The following ADAMTS18 variants were observed in gnomAD, a reference collection of about 807,000 sequenced individuals.
ADAMTS18 encodes the protein A disintegrin and metalloproteinase with thrombospondin motifs 18.
In ADAMTS18, 157 loss-of-function variants were observed where a neutral mutation model predicts 165.9. The observed-to-expected ratio is 0.95, with a 90% CI of 0.83 to 1.08. The LOEUF (loss-of-function observed/expected upper bound fraction) is 1.08. Among genes scored for constraint, ADAMTS18 ranks in the 50% least tolerant of loss-of-function variants. The pLI is 0.00. For missense variants in ADAMTS18, 2,040 were observed against 1,534.0 expected (o/e 1.33, Z -5.51); for synonymous variants, 782 against 578.2 (o/e 1.35, Z -5.06).
chr16:77,318,897 A>G (rs1289526223), intron 16 of ADAMTS18, among the ~76,000 whole-genome samples: 3 of 152,160 alleles, frequency 2.0e-5, no homozygotes, highest in African/African-American at 7.2e-5. Flanking sequence ...TTCTATACAA[A>G]CTGAAGCAAA....
At chr16:77,311,050 A>G (rs182825858) in intron 16 of ADAMTS18, among the ~76,000 whole-genome samples, 1 of 152,328 alleles carries the variant, frequency 6.6e-6, no homozygotes, top group East Asian at 1.9e-4. Context: ...GCAGATGAAA[A>G]TGAAATTTAG....
At chr16:77,315,698 G>C (rs956170892) in intron 16 of ADAMTS18, among the ~76,000 whole-genome samples, 1 of 152,128 alleles carries the variant, frequency 6.6e-6, no homozygotes, top group African/African-American at 2.4e-5. Flanking sequence ...TCTGGATATT[G>C]CAATTATTTG....
chr16:77,297,909 G>A (rs1287034757), intron 17 of ADAMTS18, among the ~76,000 whole-genome samples: 1 of 125,992 alleles, frequency 7.9e-6, no homozygotes, highest in African/African-American at 2.9e-5. Context: ...CCAGGGCTCT[G>A]CTTTTGCTTT....
intron 22 of ADAMTS18, among the ~76,000 whole-genome samples, chr16:77,286,679 C>T (rs531938999): frequency 2.6e-5 from 4 of 152,052 alleles, no homozygotes; most frequent in African/African-American, 9.7e-5. Context: ...GCTGCCTGCC[C>T]CCATCTGAAG....
At chr16:77,410,214 A>G (rs968175552) in intron 3 of ADAMTS18, among the ~76,000 whole-genome samples, 1 of 151,708 alleles carries the variant, frequency 6.6e-6, no homozygotes. Flanking sequence ...TTACTCTATG[A>G]TATTTTCTTT....
At chr16:77,305,768 C>G (rs1251262596) in intron 16 of ADAMTS18, among the ~76,000 whole-genome samples, 2 of 152,222 alleles carry the variant, frequency 1.3e-5, no homozygotes, top group Non-Finnish European at 2.9e-5. Context: ...AAACCACAGA[C>G]AGCCTCTCCC....
intron 10 of ADAMTS18, among the ~76,000 whole-genome samples, chr16:77,349,033 G>A (rs2056517378): frequency 6.6e-6 from 1 of 152,132 alleles, no homozygotes; most frequent in Admixed American, 6.5e-5. Flanking sequence ...GTTAATAGAA[G>A]TTAAAATGGC....
chr16:77,310,390 G>C (rs1223210447), intron 16 of ADAMTS18, among the ~76,000 whole-genome samples: 1 of 152,148 alleles, frequency 6.6e-6, no homozygotes, highest in Non-Finnish European at 1.5e-5. Flanking sequence ...GAAGACATTA[G>C]TTCAGTCTGG....
At position 77,400,760 on chromosome 16, in the gene ADAMTS18, C is replaced by T. The variant is rs113916283; in HGVS notation, c.495+30535G>A. ...CTGGGATTACAGGAGTGAGCCACCA[C>T]GCCTGGCCTCTCTGTGGTTCTTAAG... On this transcript the variant is annotated intron_variant, in intron 3 of 22. Transcript: ENST00000282849. Among the ~76,000 whole-genome samples the T allele has an allele frequency of 3.5e-3, 525 of 151,854 alleles. 5 individuals are homozygous for T. The highest frequency in any genetic ancestry group is 0.012 in the African/African-American group (509 of 41,418).
intron 3 of ADAMTS18, among the ~76,000 whole-genome samples, chr16:77,370,020 A>T (rs767303448): frequency 6.6e-6 from 1 of 152,242 alleles, no homozygotes. Flanking sequence ...GCATTTGATA[A>T]AATTTAACAT....
Position 77,319,884 on chromosome 16 carries a change from C to G in ADAMTS18, c.2497G>C (p.Ala833Pro), listed in dbSNP as rs375093710. 6.2e-7 allele frequency: 1 copy of G among 1,614,076 alleles called. No individual in the cohort carries two copies. The highest frequency in any genetic ancestry group is 1.3e-5 in the African/African-American group (1 of 74,930). ...AGCGTCTCATTTGTGGGCCCTGGCG[C>G]GTACAGACGTTCCGGGCGGTTGAAA... ...RSFNRPERLY[A>P]PGPTNETLVF... Residue 833 changes from alanine (A) to proline (P), a missense_variant, in exon 16 of 23, where the codon GCG becomes CCG. Ala to Pro is a conservative substitution (Grantham distance 27). Transcript: ENST00000282849.
chr16:77,284,351 T>C (rs993758970), intron 22 of ADAMTS18, among the ~76,000 whole-genome samples: 8 of 152,056 alleles, frequency 5.3e-5, no homozygotes, highest in African/African-American at 1.9e-4. Context: ...TGGTCTCAAA[T>C]TCCTGAGCTC....
chr16:77,423,251 G>A (rs779390020), intron 3 of ADAMTS18, among the ~76,000 whole-genome samples: 1 of 152,164 alleles, frequency 6.6e-6, no homozygotes, highest in Non-Finnish European at 1.5e-5. Context: ...AGTGTTAATA[G>A]CCAGAGTAGT....
In ADAMTS18 at chr16:77,434,424, T is replaced by G. The variant is rs1171111377; in HGVS notation, c.172A>C (p.Asn58His). 2 of 1,570,476 alleles carry G rather than the reference T, an allele frequency of 1.3e-6. No homozygotes were observed. The highest frequency in any genetic ancestry group is 2.7e-5 in the African/African-American group (2 of 74,486). ...ATGGGGGGCAAATACGAACCATCAT[T>G]TAATCCGCTGGCGCCGCTGCTGCTG... ...SDSSSGASGL[N>H]DDYVFVTPVE... The change falls in exon 2 of 23, where the codon AAT (asparagine) becomes CAT (histidine). Residue 58 changes from asparagine to histidine, a missense_variant. Physicochemically the swap from Asn to His is moderately conservative, Grantham distance 68 (BLOSUM62 1). Coordinates refer to ENST00000282849, the MANE Select transcript of ADAMTS18 (RefSeq NM_199355.4).
At chr16:77,404,438 T>A (rs533835234) in intron 3 of ADAMTS18, among the ~76,000 whole-genome samples, 1 of 152,270 alleles carries the variant, frequency 6.6e-6, no homozygotes, top group East Asian at 1.9e-4. Context: ...TCTCTATAAG[T>A]TCTTCTCTAT....
chr16:77,342,053 G>C (rs1385900334), intron 10 of ADAMTS18, among the ~76,000 whole-genome samples: 1 of 152,156 alleles, frequency 6.6e-6, no homozygotes, highest in East Asian at 1.9e-4. Context: ...TTAATTTAGA[G>C]AACACTTGGC....
rs557948809 is a variant in ADAMTS18 at position 77,392,744 on chromosome 16, G to A, written c.496-25021C>T. On this transcript the variant is annotated intron_variant, in intron 3 of 22. Coordinates refer to ENST00000282849, the MANE Select transcript of ADAMTS18 (RefSeq NM_199355.4). ...AATAAATGAGTGCCTCTGTCCTGATGGAATTTACATCCTAGATGGCAGATC... is the reference window on the plus strand; with the variant it reads ...AATAAATGAGTGCCTCTGTCCTGATAGAATTTACATCCTAGATGGCAGATC... Among the ~76,000 whole-genome samples the A allele has an allele frequency of 3.0e-4, 45 of 152,206 alleles. No individual in the cohort carries two copies. In the Middle Eastern group the frequency reaches 0.014, roughly 46 times the overall value.
chr16:77,348,776 T>C (rs2056513503), intron 10 of ADAMTS18, among the ~76,000 whole-genome samples: 2 of 152,142 alleles, frequency 1.3e-5, no homozygotes, highest in African/African-American at 2.4e-5. Flanking sequence ...CACAAGTTTA[T>C]AAAAGGGACA....
chr16:77,335,508 T>A (rs1275717708), intron 12 of ADAMTS18, among the ~76,000 whole-genome samples: 1 of 151,924 alleles, frequency 6.6e-6, no homozygotes, highest in Non-Finnish European at 1.5e-5. Context: ...AGAAATGACA[T>A]TGGAATTTTT....
Sources: gnomAD v4.1 joint callset for allele counts (sites outside exome capture counted in the v4.1 genomes callset) on GRCh38, gnomAD v4.1.1 for gene constraint, MANE v1.5 for transcripts, NCBI Gene and HGNC (gene_info 2026-07-23, HGNC 2026-07-21) for gene names.